The following CYP3A7 variants were observed in gnomAD, a reference collection of about 807,000 sequenced individuals.
The protein encoded by CYP3A7 is cytochrome P450 family 3 subfamily A member 7, also known as cytochrome P450 3A7.
CYP3A7 carries 45 observed loss-of-function variants against 55.2 expected under a neutral mutation model. The ratio of observed to expected loss-of-function variants is 0.82; its 90% CI spans 0.64 to 1.05. The LOEUF (loss-of-function observed/expected upper bound fraction) is 1.05, where lower values mean the gene tolerates loss of function less well. CYP3A7 is among the 50% of genes least tolerant of loss of function. CYP3A7 has a pLI of 0.00. For missense variants in CYP3A7, 548 were observed against 605.3 expected, an observed-to-expected ratio of 0.91 and a Z score of 0.99; for synonymous variants, 180 against 207.4, an observed-to-expected ratio of 0.87 and a Z score of 1.13.
chr7:99,719,491 T>G (rs1814099386), intron 4 of CYP3A7, among the ~76,000 whole-genome samples: 1 of 151,986 alleles, frequency 6.6e-6, no homozygotes, highest in South Asian at 2.1e-4. Flanking sequence ...GATAGTAGAG[T>G]TACATTTAGT....
rs371488451 is a variant in CYP3A7, at chr7:99,709,321, T to A, written c.1027-60A>T. ...ATTTTTGAATTAACTTTTAACTCAG[T>A]CCATGTAGTACTGTTGAACTGTTAG... On this transcript the variant is annotated intron_variant, in intron 10 of 12. Transcript: ENST00000336374. 37 of 1,574,482 alleles carry A rather than the reference T, an allele frequency of 2.3e-5. No individual in the cohort carries two copies. In the African/African-American group the frequency reaches 3.9e-4, roughly 17 times the overall value.
intron 8 of CYP3A7, 91 bp from the exon 9 acceptor site, chr7:99,713,626 A>C (rs1294526832): frequency 6.4e-7 from 1 of 1,569,430 alleles, no homozygotes; most frequent in East Asian, 2.3e-5. Context: ...CCCTTCTGAG[A>C]ATATAGCCCC....
chr7:99,708,109 T>A, intron 11 of CYP3A7, 135 bp from the exon 12 acceptor site: 2 of 1,210,346 alleles, frequency 1.7e-6, no homozygotes, highest in South Asian at 1.3e-5. Context: ...GTCACTGAAA[T>A]CCTGCTATGC....
intron 8 of CYP3A7, 72 bp downstream of exon 8, chr7:99,714,483 C>T (rs973845181): frequency 5.7e-6 from 9 of 1,591,666 alleles, no homozygotes; most frequent in Non-Finnish European, 7.7e-6. Flanking sequence ...CAGGGAAGTG[C>T]ACCGATCATA....
intron 9 of CYP3A7, among the ~76,000 whole-genome samples, chr7:99,712,482 G>A (rs1410293642): frequency 2.6e-5 from 4 of 152,122 alleles, no homozygotes; most frequent in Admixed American, 6.6e-5. Context: ...TTCATCAGTG[G>A]CACTAGCCAC....
rs1317222098 is a variant in CYP3A7 at position 99,714,442 on chromosome 7, C to G, written c.798+113G>C. The G allele has an allele frequency of 4.0e-6, 6 of 1,498,306 alleles. No individual in the cohort carries two copies. The South Asian group carries it at 6.1e-5, about 15-fold the overall frequency. 92.8% of individuals were successfully genotyped at this position (1,498,306 alleles called of 1,614,324 possible). A position where few individuals can be genotyped will look rare whatever the true frequency, so the allele number is the denominator to read the frequency against. ...TTATCTTGCTCTAAACATAAGTACT[C>G]TTTATGTTAAAATCTTTCTCTAAAA... On this transcript the variant is annotated intron_variant, in intron 8 of 12. Coordinates refer to ENST00000336374, the MANE Select transcript of CYP3A7 (RefSeq NM_000765.5).
chr7:99,712,855 C>T (rs748160331), intron 9 of CYP3A7, among the ~76,000 whole-genome samples: 1 of 152,052 alleles, frequency 6.6e-6, no homozygotes, highest in Admixed American at 6.6e-5. Context: ...CAGTAAAAAT[C>T]GTACATGGGT....
chr7:99,730,786 T>G, intron 2 of CYP3A7: 1 of 417,510 alleles, frequency 2.4e-6, no homozygotes, highest in East Asian at 4.6e-5. Flanking sequence ...ATGCTCTTTA[T>G]GGTGCTCACA....
chr7:99,712,729 C>T (rs779407545), intron 9 of CYP3A7, among the ~76,000 whole-genome samples: 12 of 152,152 alleles, frequency 7.9e-5, no homozygotes, highest in Non-Finnish European at 1.3e-4. Flanking sequence ...TCAGCCTACT[C>T]CTGCTCTCTA....
chr7:99,723,139 A>G (rs375270326), intron 2 of CYP3A7, among the ~76,000 whole-genome samples: 1 of 152,288 alleles, frequency 6.6e-6, no homozygotes, highest in East Asian at 1.9e-4. Context: ...TGACATGGGA[A>G]AGTGGTGGGT....
intron 2 of CYP3A7, among the ~76,000 whole-genome samples, chr7:99,725,824 C>T (rs1157806478): frequency 6.6e-6 from 1 of 152,162 alleles, no homozygotes; most frequent in African/African-American, 2.4e-5. Context: ...AGGGTAAGTC[C>T]ATCCCCTGTG....
intron 1 of CYP3A7, among the ~76,000 whole-genome samples, chr7:99,734,508 G>T (rs577014093): frequency 8.9e-4 from 135 of 152,230 alleles, no homozygotes; most frequent in African/African-American, 3.2e-3. Context: ...ATGAATGGGG[G>T]AGATGCTTAT....
chr7:99,715,905 C>G lies in CYP3A7; in HGVS notation c.523G>C (p.Val175Leu), dbSNP rs146249663. The G allele has an allele frequency of 1.2e-6, 2 of 1,613,618 alleles. No individual in the cohort carries two copies. Among genetic ancestry groups the G allele is most frequent in the South Asian group, 1.1e-5 (1 of 91,078 alleles). The change falls in exon 7 of 13, where the codon GTC becomes CTC. Residue 175 changes from valine to leucine, a missense_variant and splice_region_variant. By Grantham distance (32) the Val-to-Leu change is conservative. Coordinates refer to ENST00000336374, the MANE Select transcript of CYP3A7 (RefSeq NM_000765.5). ...ACATCCATGCTGTAGGCCCCAAAGACGCTGAGTGGAGAAAGATGTGGAAAA... is the reference window on the plus strand; with the variant it reads ...ACATCCATGCTGTAGGCCCCAAAGAGGCTGAGTGGAGAAAGATGTGGAAAA... ...ETGKPVTLKHVFGAYSMDVIT... is the reference protein window; with the variant it reads ...ETGKPVTLKHLFGAYSMDVIT...
intron 2 of CYP3A7, among the ~76,000 whole-genome samples, chr7:99,724,015 A>G (rs2151524454): frequency 6.6e-6 from 1 of 152,168 alleles, no homozygotes; most frequent in African/African-American, 2.4e-5. Flanking sequence ...CTGGGTCACA[A>G]GTATCACCTT....
intron 5 of CYP3A7, 82 bp from the exon 6 acceptor site, chr7:99,717,347 CA>C (rs1813998396): frequency 1.5e-5 from 24 of 1,607,988 alleles, no homozygotes; most frequent in Non-Finnish European, 2.0e-5. Context: ...TGGCATGGAA[CA>C]ATAAGTGACA....
chr7:99,721,906 A>G (rs1217175864), intron 3 of CYP3A7, among the ~76,000 whole-genome samples: 2 of 152,204 alleles, frequency 1.3e-5, no homozygotes, highest in Non-Finnish European at 2.9e-5. Flanking sequence ...AGAAAGCCCA[A>G]CCCAACCTTA....
rs748017013 is a variant in CYP3A7, at chr7:99,731,141, C to T, written c.83G>A (p.Arg28His). 8 of 1,613,660 alleles carry T rather than the reference C, an allele frequency of 5.0e-6. No individual in the cohort carries two copies. Among genetic ancestry groups the T allele is most frequent in the Non-Finnish European group, 6.8e-6 (8 of 1,179,724 alleles). Reference protein sequence around the residue: ...SLILLYLYGTRTHGLFKKLGI... With the variant: ...SLILLYLYGTHTHGLFKKLGI... ...AAGCTTCTTAAAAAGTCCATGTGTA[C>T]GGGTTCCATATCTACAAAGTGAAAC... The change falls in exon 2 of 13, where the codon CGT (arginine) becomes CAT (histidine). Residue 28 changes from arginine to histidine, a missense_variant. By Grantham distance (29) the Arg-to-His change is conservative. Coordinates refer to ENST00000336374, the MANE Select transcript of CYP3A7 (RefSeq NM_000765.5).
At position 99,728,659 on chromosome 7, in the gene CYP3A7, T is replaced by A. The variant is rs186747447; in HGVS notation, c.165+2400A>T. Among the ~76,000 whole-genome samples the A allele has an allele frequency of 7.3e-4, 111 of 152,322 alleles. 2 individuals carry two copies. Among genetic ancestry groups the A allele is most frequent in the Admixed American group, 7.0e-3 (107 of 15,300 alleles). ...ACACTAGTATTTCTTATTCCCAAAT[T>A]GAAAAAATTCAATTTGCAAATGGGA... On this transcript the variant is annotated intron_variant, in intron 2 of 12. Transcript: ENST00000336374.
chr7:99,730,972 C>G, intron 2 of CYP3A7, 87 bp downstream of exon 2: 2 of 1,533,656 alleles, frequency 1.3e-6, no homozygotes, highest in Non-Finnish European at 1.8e-6. Context: ...CTCAGACCTT[C>G]CTCTTGAGGA....
Sources: gnomAD v4.1 joint callset for allele counts (sites outside exome capture counted in the v4.1 genomes callset) on GRCh38, gnomAD v4.1.1 for gene constraint, MANE v1.5 for transcripts, NCBI Gene and HGNC (gene_info 2026-07-23, HGNC 2026-07-21) for gene names.